PCLAF: variants seen among roughly 807,000 people sequenced by gnomAD.
The protein encoded by PCLAF is PCNA-associated factor.
In PCLAF, 12 loss-of-function variants were observed where a neutral mutation model predicts 15.1. That is an observed-to-expected ratio of 0.79 (90% CI 0.51 to 1.29). The LOEUF (loss-of-function observed/expected upper bound fraction) is 1.29. Ranked by LOEUF, PCLAF falls within the 50% of genes most tolerant of loss-of-function variation. The pLI, the probability that PCLAF is intolerant of heterozygous loss-of-function variation, is 0.00. For synonymous variants in PCLAF, 33 were observed against 47.1 expected (o/e 0.70, Z 1.22); for missense variants, 116 against 130.9 (o/e 0.89, Z 0.56).
upstream of PCLAF, chr15:64,381,482 C>T (rs987053529): frequency 1.9e-6 from 3 of 1,597,534 alleles, no homozygotes; most frequent in Non-Finnish European, 2.6e-6. Flanking sequence ...TGGTCTCTTT[C>T]CCGCGCGCTC....
At chr15:64,374,482 T>C (rs1899509882) in intron 3 of PCLAF, among the ~76,000 whole-genome samples, 4 of 151,310 alleles carry the variant, frequency 2.6e-5, no homozygotes, top group African/African-American at 9.7e-5. Flanking sequence ...GAGGTTGCAG[T>C]GAGCCGAGAT....
chr15:64,380,724 A>T (rs989772625), intron 2 of PCLAF, among the ~76,000 whole-genome samples: 21 of 151,950 alleles, frequency 1.4e-4, no homozygotes, highest in African/African-American at 5.1e-4. Context: ...AGAAAAGAAA[A>T]ATAGGCTTGA....
intron 2 of PCLAF, among the ~76,000 whole-genome samples, chr15:64,380,063 A>G (rs1596327540): frequency 6.6e-6 from 1 of 152,280 alleles, no homozygotes; most frequent in East Asian, 1.9e-4. Flanking sequence ...GCCTCTAACA[A>G]TATTTAAATA....
chr15:64,377,729 A>G (rs1899667104), intron 2 of PCLAF, among the ~76,000 whole-genome samples: 1 of 141,544 alleles, frequency 7.1e-6, no homozygotes, highest in Non-Finnish European at 1.5e-5. Flanking sequence ...AGTTCATAAG[A>G]GAAGTCCAAT....
intron 3 of PCLAF, among the ~76,000 whole-genome samples, chr15:64,372,276 T>C (rs1309525734): frequency 6.6e-6 from 1 of 152,132 alleles, no homozygotes; most frequent in Admixed American, 6.6e-5. Context: ...TTGGAGTAAA[T>C]TCCAGTCTAT....
intron 1 of PCLAF, among the ~76,000 whole-genome samples, chr15:64,386,835 A>C (rs1015344794): frequency 6.6e-6 from 1 of 152,180 alleles, no homozygotes; most frequent in South Asian, 2.1e-4. Flanking sequence ...CTTAGTCTAA[A>C]CAGGCTAGTA....
upstream of PCLAF, among the ~76,000 whole-genome samples, chr15:64,381,682 G>C (rs1162929913): frequency 6.6e-6 from 1 of 152,136 alleles, no homozygotes; most frequent in African/African-American, 2.4e-5. Context: ...CCGACTAGTG[G>C]GTGCTAAGTT....
rs1899619326 is a variant in PCLAF at position 64,376,908 on chromosome 15, G to A, written c.128-3C>T. 2.5e-6 allele frequency: 4 copies of A among 1,611,982 alleles called. No homozygotes were observed. The highest frequency in any genetic ancestry group is 3.4e-6 in the Non-Finnish European group (4 of 1,178,962). ...CCCTCCTGCATATTTATTTTCAGCT[G>A]TAAAATATAAACAGATGGAACTAGA... On this transcript the variant is annotated splice_region_variant and splice_polypyrimidine_tract_variant and intron_variant, in intron 2 of 3. Transcript: ENST00000300035.
chr15:64,373,734 C>T (rs1234592123), intron 3 of PCLAF: 2 of 1,535,860 alleles, frequency 1.3e-6, no homozygotes, highest in East Asian at 4.9e-5. Flanking sequence ...CAGCTTGCTG[C>T]TCAGTGTGCT....
intron 3 of PCLAF, among the ~76,000 whole-genome samples, chr15:64,375,995 G>A (rs1232195228): frequency 6.6e-6 from 1 of 152,182 alleles, no homozygotes; most frequent in African/African-American, 2.4e-5. Flanking sequence ...GGGAGGCTAA[G>A]GTGGGTAGAT....
Position 64,380,947 on chromosome 15 carries a change from G to C in PCLAF, c.127+11C>G. ...GGACTGATCCCCTAACTTTAGGAGG[G>C]CTCTTCTTACCTTTCCTCGATGAAA... On this transcript the variant is annotated intron_variant, in intron 2 of 3. Coordinates refer to ENST00000300035, the MANE Select transcript of PCLAF (RefSeq NM_014736.6). The C allele has an allele frequency of 6.2e-7, 1 of 1,612,356 alleles. No homozygotes were observed. Among genetic ancestry groups the C allele is most frequent in the Non-Finnish European group, 8.5e-7 (1 of 1,178,448 alleles).
intron 3 of PCLAF, 145 bp downstream of exon 3, chr15:64,376,598 T>G: frequency 1.7e-6 from 1 of 594,156 alleles, no homozygotes. Flanking sequence ...TTTGTATTTT[T>G]AGTAGAGACA....
At chr15:64,377,510 T>A (rs866451771) in intron 2 of PCLAF, among the ~76,000 whole-genome samples, 1,028 of 69,034 alleles carry the variant, frequency 0.015, 204 homozygotes, top group Middle Eastern at 0.029. Flanking sequence ...TATATATATA[T>A]ATATATATAT....
chr15:64,371,322 G>A (rs1341210127), intron 3 of PCLAF, among the ~76,000 whole-genome samples: 2 of 151,768 alleles, frequency 1.3e-5, no homozygotes, highest in African/African-American at 2.4e-5. Flanking sequence ...CTAGAGTGCA[G>A]TAGCGCGATC....
intron 3 of PCLAF, among the ~76,000 whole-genome samples, chr15:64,372,592 C>T (rs1899381171): frequency 6.6e-6 from 1 of 151,872 alleles, no homozygotes; most frequent in East Asian, 1.9e-4. Flanking sequence ...CCAGCCTGGG[C>T]GACAGAGCGA....
At chr15:64,381,303 A>G (rs1239045222) in intron 1 of PCLAF, 23 bp downstream of exon 1, 2 of 1,613,726 alleles carry the variant, frequency 1.2e-6, no homozygotes, top group South Asian at 1.1e-5. Context: ...CCCGCCCTCC[A>G]GTACCACACT....
At chr15:64,377,924 G>C (rs1372345753) in intron 2 of PCLAF, among the ~76,000 whole-genome samples, 3 of 136,494 alleles carry the variant, frequency 2.2e-5, no homozygotes, top group Non-Finnish European at 3.2e-5. Context: ...GCTAATTTTT[G>C]TTTTGTTTTT....
In PCLAF at chr15:64,381,216, C is replaced by G. The variant is rs1899806042; in HGVS notation, c.46+110G>C. 2.9e-6 allele frequency: 4 copies of G among 1,376,138 alleles called. No homozygotes were observed. The South Asian group carries it at 4.7e-5, about 16-fold the overall frequency. 85.2% of individuals were successfully genotyped at this position (1,376,138 alleles called of 1,614,324 possible). ...GGCCAGGCGGCTACTCCCTGGCTAG[C>G]TAGATGAGTTTGGCGCACAGGGCCC... is the stretch of plus-strand genomic sequence containing the variant. On this transcript the variant is annotated intron_variant, in intron 1 of 3. Transcript: ENST00000300035.
chr15:64,370,647 G>A (rs1215783594), intron 3 of PCLAF, among the ~76,000 whole-genome samples: 1 of 150,324 alleles, frequency 6.7e-6, no homozygotes. Flanking sequence ...GGGATTACAG[G>A]CACAAGCCAC....
Sources: gnomAD v4.1 joint callset for allele counts (sites outside exome capture counted in the v4.1 genomes callset) on GRCh38, gnomAD v4.1.1 for gene constraint, MANE v1.5 for transcripts, NCBI Gene and HGNC (gene_info 2026-07-23, HGNC 2026-07-21) for gene names.